Variants in CGGBP1 observed in about 807,000 individuals in gnomAD.
The protein encoded by CGGBP1 is CGG triplet repeat binding protein 1.
CGGBP1 carries 4 observed loss-of-function variants against 11.4 expected under a neutral mutation model. That is an observed-to-expected ratio of 0.35 (90% CI 0.17 to 0.80). The LOEUF (loss-of-function observed/expected upper bound fraction) is 0.80, where lower values mean the gene tolerates loss of function less well. CGGBP1 is among the 30% of genes least tolerant of loss of function. The probability of loss-of-function intolerance (pLI) is 0.52; values close to 1 mark genes in which losing one functional copy is unlikely to be tolerated. For missense variants in CGGBP1, 135 were observed against 202.1 expected, an observed-to-expected ratio of 0.67 and a Z score of 2.01; for synonymous variants, 76 against 74.1, an observed-to-expected ratio of 1.03 and a Z score of -0.13.
rs1197363443 is a variant in CGGBP1, at chr3:88,129,981, G to C, written c.-229+10989C>G. Among the ~76,000 whole-genome samples the C allele has an allele frequency of 2.6e-5, 4 of 152,162 alleles. No homozygotes were observed. The East Asian group carries it at 7.7e-4, about 29-fold the overall frequency. On this transcript the variant is annotated intron_variant, in intron 2 of 3. Coordinates refer to the CGGBP1 transcript ENST00000462901. ...GAACAATAGTAGATTCTAAGAACTA[G>C]AGACTTTAAAAAGAAATGATAATGT... is the stretch of plus-strand genomic sequence containing the variant.
chr3:88,134,938 C>G, intron 2 of CGGBP1: 1 of 572,586 alleles, frequency 1.7e-6, no homozygotes, highest in Admixed American at 4.3e-5. Flanking sequence ...TGGGGGTGAA[C>G]GTAATACATA....
intron 2 of CGGBP1, among the ~76,000 whole-genome samples, chr3:88,075,066 C>T (rs1559692744): frequency 6.6e-6 from 1 of 152,162 alleles, no homozygotes; most frequent in South Asian, 2.1e-4. Context: ...TACAAATTTC[C>T]ATGGACGGTA....
intron 2 of CGGBP1, among the ~76,000 whole-genome samples, chr3:88,089,012 A>G (rs1437675538): frequency 4.0e-5 from 6 of 151,826 alleles, no homozygotes; most frequent in South Asian, 2.1e-4. Context: ...ACCTCAGATG[A>G]TCTACCCACC....
intron 1 of CGGBP1, chr3:88,142,645 A>G (rs1707188389): frequency 6.6e-6 from 1 of 152,386 alleles, no homozygotes; most frequent in Non-Finnish European, 1.5e-5. Context: ...TCAAAAAATC[A>G]GCTAAGAATC....
At chr3:88,137,727 A>T (rs1407869590) in intron 2 of CGGBP1, among the ~76,000 whole-genome samples, 1 of 152,190 alleles carries the variant, frequency 6.6e-6, no homozygotes, top group Non-Finnish European at 1.5e-5. Flanking sequence ...GTAGGAATTT[A>T]CTAGCTGGAT....
At chr3:88,090,366 C>A (rs1708566434) in intron 2 of CGGBP1, among the ~76,000 whole-genome samples, 2 of 151,252 alleles carry the variant, frequency 1.3e-5, no homozygotes, top group Non-Finnish European at 2.9e-5. Flanking sequence ...TAGTTTTTAA[C>A]AACAGCAAGA....
intron 1 of CGGBP1, chr3:88,143,595 T>C (rs1707226253): frequency 6.6e-6 from 1 of 152,274 alleles, no homozygotes; most frequent in Non-Finnish European, 1.5e-5. Flanking sequence ...TTTCCACAAG[T>C]TGTAACAATT....
At chr3:88,140,400 C>G (rs773770638) in intron 2 of CGGBP1, 27 of 1,612,994 alleles carry the variant, frequency 1.7e-5, no homozygotes, top group Non-Finnish European at 2.3e-5. Context: ...TATTAGTCTG[C>G]CAGTTTCTAC....
At chr3:88,138,999 G>A (rs1488643876) in intron 2 of CGGBP1, 1 of 1,245,250 alleles carries the variant, frequency 8.0e-7, no homozygotes, top group Non-Finnish European at 1.0e-6. Flanking sequence ...TTTGAAAAAG[G>A]GATTGTTTTT....
At chr3:88,071,186 A>G (rs1707489407) in intron 2 of CGGBP1, among the ~76,000 whole-genome samples, 1 of 152,238 alleles carries the variant, frequency 6.6e-6, no homozygotes, top group Non-Finnish European at 1.5e-5. Context: ...TTATTTAAAA[A>G]GTAAGAAATT....
At chr3:88,145,157 A>G (rs1427861973) in intron 1 of CGGBP1, among the ~76,000 whole-genome samples, 3 of 152,158 alleles carry the variant, frequency 2.0e-5, no homozygotes, top group Non-Finnish European at 2.9e-5. Context: ...GGGGAAATGA[A>G]GTCAGTAAGC....
At chr3:88,085,856 A>G (rs1299473234) in intron 2 of CGGBP1, among the ~76,000 whole-genome samples, 1 of 152,190 alleles carries the variant, frequency 6.6e-6, no homozygotes, top group Non-Finnish European at 1.5e-5. Flanking sequence ...GAATGCTTAG[A>G]GTCTTATAAA....
upstream of CGGBP1, among the ~76,000 whole-genome samples, chr3:88,060,914 G>C (rs1280159952): frequency 6.6e-6 from 1 of 152,074 alleles, no homozygotes; most frequent in East Asian, 1.9e-4. Flanking sequence ...ATTGCCTTTT[G>C]ATTTAATGTT....
In CGGBP1 at chr3:88,056,000, C is replaced by T. The variant is rs1559678345; in HGVS notation, c.-23-1G>A. The T allele has an allele frequency of 6.4e-7, 1 of 1,566,480 alleles. No homozygotes were observed. The highest frequency in any genetic ancestry group is 2.3e-5 in the East Asian group (1 of 44,440). On this transcript the variant is annotated splice_acceptor_variant, in intron 3 of 3. Transcript: ENST00000482016. LOFTEE classifies it low-confidence loss of function (5UTR_SPLICE). The surrounding 1 kb of genome is among the most constrained non-coding windows in gnomAD (Gnocchi z 4.2). ...ATTCTGACTCTAAATAAATATGGTT[C>T]TTTCAAGACAAAAGAAACAAAGATG...
At chr3:88,076,614 A>G (rs1160832737) in intron 2 of CGGBP1, among the ~76,000 whole-genome samples, 1 of 151,944 alleles carries the variant, frequency 6.6e-6, no homozygotes, top group Admixed American at 6.6e-5. Context: ...AGTTCTTGAA[A>G]CCGAGCATAC....
rs1576360803 is a variant in CGGBP1, at chr3:88,141,532, A to G, written c.-337-454T>C. 10 of 681,236 alleles carry G rather than the reference A, an allele frequency of 1.5e-5. No homozygotes were observed. In the South Asian group the frequency reaches 3.1e-4, roughly 21 times the overall value. 42.2% of individuals were successfully genotyped at this position (681,236 alleles called of 1,614,324 possible). A position where few individuals can be genotyped will look rare whatever the true frequency, so the allele number is the denominator to read the frequency against. ...AATCAGAAAAAGAGCTTGTCTGTCT[A>G]CTAATATCAATATCCTTTAAAATGA... On this transcript the variant is annotated intron_variant, in intron 1 of 3. Coordinates refer to the CGGBP1 transcript ENST00000462901.
At chr3:88,133,078 A>T (rs952157893) in intron 2 of CGGBP1, among the ~76,000 whole-genome samples, 1 of 152,168 alleles carries the variant, frequency 6.6e-6, no homozygotes, top group African/African-American at 2.4e-5. Context: ...GAACATCAAC[A>T]AACCCCAAGC....
Position 88,074,607 on chromosome 3 carries a change from G to A in CGGBP1, c.-228-16384C>T, listed in dbSNP as rs538467731. ...TCCGCCTGCCTCGGCCTTCCAAAGT[G>A]CTGGATTATAAGCGTGAGCCACTGC... On this transcript the variant is annotated intron_variant, in intron 2 of 3. Transcript: ENST00000462901. 1.3e-3 allele frequency among the ~76,000 whole-genome samples: 203 copies of A among 152,208 alleles called. 2 individuals carry two copies. Among genetic ancestry groups the A allele is most frequent in the African/African-American group, 4.7e-3 (195 of 41,538 alleles).
chr3:88,149,035 C>G (rs1016639721), intron 1 of CGGBP1, among the ~76,000 whole-genome samples: 3 of 152,158 alleles, frequency 2.0e-5, no homozygotes, highest in African/African-American at 4.8e-5. Flanking sequence ...TAAATGTCAA[C>G]TGATCAAAAA....
Sources: allele counts gnomAD v4.1 joint callset (sites outside exome capture counted in the v4.1 genomes callset), GRCh38; gene constraint gnomAD v4.1.1; non-coding constraint Gnocchi (gnomAD v3.1); transcripts MANE v1.5; gene names NCBI Gene and HGNC (gene_info 2026-07-23, HGNC 2026-07-21).